The following PIP5K1B variants were observed in gnomAD, a reference collection of about 807,000 sequenced individuals.
The protein encoded by PIP5K1B is phosphatidylinositol 4-phosphate 5-kinase type-1 beta.
PIP5K1B carries 42 observed loss-of-function variants against 67.0 expected under a neutral mutation model. The observed-to-expected ratio is 0.63, with a 90% CI of 0.49 to 0.81. The LOEUF is 0.81. PIP5K1B is among the 30% of genes least tolerant of loss of function. The pLI is 0.00. For synonymous variants in PIP5K1B, 214 were observed against 231.4 expected (o/e 0.92, Z 0.68); for missense variants, 459 against 646.3 (o/e 0.71, Z 3.14).
Position 68,812,259 on chromosome 9 carries a change from AT to A in PIP5K1B, c.-85-6201del, listed in dbSNP as rs529719373. On this transcript the variant is annotated intron_variant, in intron 2 of 15. Transcript: ENST00000265382. ...CTTTGAAGAATAAATGAAATCACATATGTGGCAGCATTTCACACATCGTAGT... is the reference window on the plus strand; with the variant it reads ...CTTTGAAGAATAAATGAAATCACATAGTGGCAGCATTTCACACATCGTAGT... 3.1e-4 allele frequency among the ~76,000 whole-genome samples: 47 copies of A among 152,358 alleles called. 1 individual carries two copies. The South Asian group carries it at 7.0e-3, about 23-fold the overall frequency.
At chr9:68,817,682 A>G (rs1404731707) in intron 2 of PIP5K1B, among the ~76,000 whole-genome samples, 4 of 148,868 alleles carry the variant, frequency 2.7e-5, no homozygotes, top group Non-Finnish European at 4.5e-5. Context: ...TATATTGGCT[A>G]TCGCACGGTG....
chr9:68,735,373 C>A (rs1234631609), intron 1 of PIP5K1B, among the ~76,000 whole-genome samples: 1 of 81,530 alleles, frequency 1.2e-5, no homozygotes, highest in African/African-American at 4.6e-5. Context: ...AGGATCCCAT[C>A]TGGAATACCA....
At chr9:68,919,982 TC>T (rs1167796351) in intron 11 of PIP5K1B, among the ~76,000 whole-genome samples, 1 of 152,196 alleles carries the variant, frequency 6.6e-6, no homozygotes, top group Non-Finnish European at 1.5e-5. Context: ...CTATGTGAAA[TC>T]CAAAGGACCT....
intron 2 of PIP5K1B, among the ~76,000 whole-genome samples, chr9:68,812,966 C>T (rs1288074129): frequency 6.6e-6 from 1 of 152,152 alleles, no homozygotes; most frequent in African/African-American, 2.4e-5. Flanking sequence ...ACAGAGAAAA[C>T]CAGCATGCTT....
chr9:68,936,374 G>GTTT (rs10629225), intron 13 of PIP5K1B, among the ~76,000 whole-genome samples: 165 of 150,350 alleles, frequency 1.1e-3, no homozygotes, highest in Middle Eastern at 3.4e-3. Context: ...TTTGCTAAAA[G>GTTT]TTTTTTTTTT....
intron 14 of PIP5K1B, among the ~76,000 whole-genome samples, chr9:68,990,759 G>T (rs1830325998): frequency 6.6e-6 from 1 of 151,828 alleles, no homozygotes; most frequent in Non-Finnish European, 1.5e-5. Flanking sequence ...CACCTCCTGA[G>T]TTCCAGTGAT....
intron 4 of PIP5K1B, chr9:68,824,198 T>C (rs541840834): frequency 1.9e-6 from 1 of 519,024 alleles, no homozygotes; most frequent in East Asian, 5.4e-5. Flanking sequence ...AGCCTGTTAT[T>C]ACTTCAGATC....
rs757746595 is a variant in PIP5K1B at position 68,878,158 on chromosome 9, G to A, written c.318+1364G>A. Among the ~76,000 whole-genome samples the A allele has an allele frequency of 2.0e-5, 3 of 152,004 alleles. No homozygotes were observed. The East Asian group carries it at 5.8e-4, about 29-fold the overall frequency. ...CAATGGGGTTTTGATATTATATTAT[G>A]GAAAACAAGATCTCTTATCTTCTGC... is the stretch of plus-strand genomic sequence containing the variant. On this transcript the variant is annotated intron_variant, in intron 6 of 15. Transcript: ENST00000265382.
chr9:68,710,413 T>G (rs973972967), intron 1 of PIP5K1B, among the ~76,000 whole-genome samples: 1 of 152,200 alleles, frequency 6.6e-6, no homozygotes, highest in Non-Finnish European at 1.5e-5. Context: ...ACTTAATTTA[T>G]GATGAAATTT....
At chr9:68,989,894 C>A (rs1830283074) in intron 14 of PIP5K1B, among the ~76,000 whole-genome samples, 1 of 152,032 alleles carries the variant, frequency 6.6e-6, no homozygotes, top group African/African-American at 2.4e-5. Flanking sequence ...GCAAGAGAAT[C>A]ACTGGAACCC....
intron 14 of PIP5K1B, among the ~76,000 whole-genome samples, chr9:68,988,987 C>G (rs1171712660): frequency 2.0e-5 from 3 of 147,358 alleles, no homozygotes; most frequent in Non-Finnish European, 4.5e-5. Flanking sequence ...CCCAGCTGCT[C>G]GAGAGGCTGA....
chr9:68,783,583 A>G (rs1422425013), intron 2 of PIP5K1B: 4 of 166,936 alleles, frequency 2.4e-5, no homozygotes, highest in African/African-American at 9.6e-5. Flanking sequence ...GTATATATGT[A>G]TATAAATGCA....
At position 68,934,918 on chromosome 9, in the gene PIP5K1B, G is replaced by A. The variant is rs890581895; in HGVS notation, c.1230G>A (p.Arg410=). The A allele has an allele frequency of 6.2e-7, 1 of 1,612,396 alleles. No homozygotes were observed. The highest frequency in any genetic ancestry group is 1.7e-5 in the Admixed American group (1 of 59,880). Residue 410 remains arginine (R), a synonymous_variant, in exon 13 of 16, where the codon CGG becomes CGA. Transcript: ENST00000265382. ...QALKASPSKK[R]CNSIAALKAT... ...TGAAGGCTTCACCGTCTAAGAAACG[G>A]TGCAATTCAATCGCCGCCCTAAAGG...
chr9:68,935,677 T>G (rs2132611825), intron 13 of PIP5K1B, among the ~76,000 whole-genome samples: 1 of 152,330 alleles, frequency 6.6e-6, no homozygotes, highest in Admixed American at 6.5e-5. Flanking sequence ...CATGTACACA[T>G]ACACATATGC....
At chr9:69,003,628 G>A (rs1450121920) in intron 15 of PIP5K1B, among the ~76,000 whole-genome samples, 1 of 152,112 alleles carries the variant, frequency 6.6e-6, no homozygotes, top group Admixed American at 6.6e-5. Context: ...CCACATCCCA[G>A]ATGTTCAGAA....
At position 68,804,774 on chromosome 9, in the gene PIP5K1B, C is replaced by T. The variant is rs1832780526; in HGVS notation, c.-85-13687C>T. ...ACCCAGCTAGAGGCAAGTTATTTAACCTCTCTGTTGCCTTCGTTTTCCTCT... is the reference window on the plus strand; with the variant it reads ...ACCCAGCTAGAGGCAAGTTATTTAATCTCTCTGTTGCCTTCGTTTTCCTCT... On this transcript the variant is annotated intron_variant, in intron 2 of 15. Coordinates refer to ENST00000265382, the MANE Select transcript of PIP5K1B (RefSeq NM_003558.4). Among the ~76,000 whole-genome samples, 2 of 152,036 alleles carry T rather than the reference C, an allele frequency of 1.3e-5. 1 individual carries two copies. Among genetic ancestry groups the T allele is most frequent in the South Asian group, 4.2e-4 (2 of 4,818 alleles).
chr9:68,754,261 C>A (rs568036086), intron 2 of PIP5K1B, among the ~76,000 whole-genome samples: 21 of 143,126 alleles, frequency 1.5e-4, no homozygotes, highest in African/African-American at 5.5e-4. Flanking sequence ...GCTCCACCCC[C>A]CGGGTTCACG....
chr9:68,822,174 G>A (rs146456635), intron 3 of PIP5K1B, among the ~76,000 whole-genome samples: 84 of 152,230 alleles, frequency 5.5e-4, no homozygotes, highest in African/African-American at 2.0e-3. Context: ...AGGCTATGTA[G>A]CCTGGGCACG....
rs372059159 is a variant in PIP5K1B at position 68,926,116 on chromosome 9, GA to G, written c.1201+2731del. Among the ~76,000 whole-genome samples the G allele has an allele frequency of 2.2e-4, 34 of 151,986 alleles. No individual in the cohort carries two copies. In the East Asian group the frequency reaches 5.2e-3, roughly 23 times the overall value. On this transcript the variant is annotated intron_variant, in intron 12 of 15. Transcript: ENST00000265382. ...TGCTGTGTTTCCAATTTTTAAGAAA[GA>G]TTTTTTTCACTTTTCTTAGCCCTGT...
Sources: gnomAD v4.1 joint callset for allele counts (sites outside exome capture counted in the v4.1 genomes callset) on GRCh38, gnomAD v4.1.1 for gene constraint, MANE v1.5 for transcripts, NCBI Gene and HGNC (gene_info 2026-07-23, HGNC 2026-07-21) for gene names.